The following CDH13 variants were observed in gnomAD, a reference collection of about 807,000 sequenced individuals.
The protein encoded by CDH13 is cadherin 13.
In CDH13, 24 loss-of-function variants were observed where a neutral mutation model predicts 63.8. The ratio of observed to expected loss-of-function variants is 0.38; its 90% CI spans 0.27 to 0.53. The LOEUF (loss-of-function observed/expected upper bound fraction) is 0.53. CDH13 is among the 20% of genes least tolerant of loss of function. CDH13 has a pLI of 0.85. For missense variants in CDH13, 1,049 were observed against 903.1 expected (o/e 1.16, Z -2.07); for synonymous variants, 503 against 355.3 (o/e 1.42, Z -4.67).
chr16:83,064,923 C>T (rs1260359124), intron 3 of CDH13, among the ~76,000 whole-genome samples: 3 of 152,072 alleles, frequency 2.0e-5, no homozygotes, highest in Non-Finnish European at 4.4e-5. Flanking sequence ...TGACTGTAGT[C>T]ATCATGCTGT....
At chr16:82,762,796 T>C (rs561888177) in intron 1 of CDH13, among the ~76,000 whole-genome samples, 1 of 152,248 alleles carries the variant, frequency 6.6e-6, no homozygotes, top group Non-Finnish European at 1.5e-5. Context: ...TGCATGTGTT[T>C]GGAAATGTCT....
At chr16:83,040,663 A>G (rs1454272113) in intron 3 of CDH13, among the ~76,000 whole-genome samples, 3 of 152,148 alleles carry the variant, frequency 2.0e-5, no homozygotes, top group Non-Finnish European at 2.9e-5. Context: ...CTCCCAGTCT[A>G]CTGACTCACA....
intron 3 of CDH13, among the ~76,000 whole-genome samples, chr16:83,061,095 A>G (rs2031508709): frequency 6.6e-6 from 1 of 152,242 alleles, no homozygotes; most frequent in Non-Finnish European, 1.5e-5. Flanking sequence ...TTTACAAAGG[A>G]GAAATCTAGC....
chr16:82,904,955 C>G (rs1361642476), intron 2 of CDH13, among the ~76,000 whole-genome samples: 1 of 152,174 alleles, frequency 6.6e-6, no homozygotes, highest in Non-Finnish European at 1.5e-5. Flanking sequence ...ACCCAGGTTT[C>G]TCCCATGGAG....
intron 2 of CDH13, among the ~76,000 whole-genome samples, chr16:83,009,553 G>A (rs989182935): frequency 6.6e-6 from 1 of 152,088 alleles, no homozygotes; most frequent in African/African-American, 2.4e-5. Flanking sequence ...ACCCTGCAAA[G>A]TCTCATATGG....
chr16:83,740,969 AAGTC>A (rs1257847169), intron 10 of CDH13, among the ~76,000 whole-genome samples: 1 of 152,194 alleles, frequency 6.6e-6, no homozygotes, highest in Non-Finnish European at 1.5e-5. Flanking sequence ...TGCAGGTAGA[AAGTC>A]AGGCAGGTCC....
intron 2 of CDH13, among the ~76,000 whole-genome samples, chr16:82,949,823 C>T (rs1790192783): frequency 1.3e-5 from 2 of 152,166 alleles, no homozygotes; most frequent in South Asian, 2.1e-4. Flanking sequence ...CTTTGCTTTA[C>T]AGACTCAAAA....
At chr16:83,301,897 C>G (rs1244506483) in intron 5 of CDH13, among the ~76,000 whole-genome samples, 1 of 150,812 alleles carries the variant, frequency 6.6e-6, no homozygotes, top group African/African-American at 2.4e-5. Context: ...TTCTTGTTTT[C>G]TGGCAGATAC....
At chr16:83,443,705 GAAAAAAAAAAA>G (rs1167862979) in intron 6 of CDH13, among the ~76,000 whole-genome samples, 2 of 107,114 alleles carry the variant, frequency 1.9e-5, no homozygotes, top group African/African-American at 8.5e-5. Context: ...AAGTCCCTAC[GAAAAAAAAAAA>G]AAAAAAAAAA....
At chr16:83,268,075 T>C (rs976464419) in intron 5 of CDH13, among the ~76,000 whole-genome samples, 5 of 152,174 alleles carry the variant, frequency 3.3e-5, no homozygotes, top group Admixed American at 3.3e-4. Context: ...CAGGTGTATA[T>C]AGATACACCT....
At chr16:83,254,145 A>G (rs1905926320) in intron 5 of CDH13, among the ~76,000 whole-genome samples, 1 of 152,212 alleles carries the variant, frequency 6.6e-6, no homozygotes. Context: ...CCCTGGAGTT[A>G]GGGGCTTAAA....
chr16:82,869,772 T>A (rs2040280727), intron 2 of CDH13, among the ~76,000 whole-genome samples: 1 of 152,066 alleles, frequency 6.6e-6, no homozygotes, highest in Non-Finnish European at 1.5e-5. Context: ...AAACTGGATA[T>A]CCATATGCAG....
chr16:83,786,508 CAT>C (rs1358697427), intron 13 of CDH13, among the ~76,000 whole-genome samples: 2 of 151,998 alleles, frequency 1.3e-5, no homozygotes, highest in Non-Finnish European at 2.9e-5. Flanking sequence ...TGAAAGGAAA[CAT>C]ATTTCTCCCT....
chr16:82,838,563 G>A (rs556814836), intron 1 of CDH13, among the ~76,000 whole-genome samples: 1 of 152,180 alleles, frequency 6.6e-6, no homozygotes, highest in Admixed American at 6.5e-5. Flanking sequence ...TCATGAAGAT[G>A]CTCATTGCTT....
intron 1 of CDH13, among the ~76,000 whole-genome samples, chr16:82,679,332 T>A (rs1914285930): frequency 6.6e-6 from 1 of 152,212 alleles, no homozygotes; most frequent in Non-Finnish European, 1.5e-5. Context: ...CCTGGGAACC[T>A]GGTTGTTATA....
At chr16:83,123,136 G>T (rs952588070) in intron 3 of CDH13, among the ~76,000 whole-genome samples, 2 of 151,814 alleles carry the variant, frequency 1.3e-5, no homozygotes, top group African/African-American at 2.4e-5. Flanking sequence ...GTATTTTATG[G>T]CATGTGCGTG....
intron 7 of CDH13, among the ~76,000 whole-genome samples, chr16:83,496,146 T>C (rs1188706175): frequency 1.3e-5 from 2 of 152,056 alleles, no homozygotes; most frequent in East Asian, 1.9e-4. Flanking sequence ...CTTCACAGAA[T>C]TGGAAAAAAC....
intron 2 of CDH13, among the ~76,000 whole-genome samples, chr16:82,927,246 G>A (rs2042333372): frequency 6.6e-6 from 1 of 152,142 alleles, no homozygotes; most frequent in South Asian, 2.1e-4. Context: ...TTTTATAGCA[G>A]TTGGGGCAGT....
chr16:83,121,569 G>T (rs2035577953), intron 3 of CDH13, among the ~76,000 whole-genome samples: 1 of 152,198 alleles, frequency 6.6e-6, no homozygotes. Context: ...TCGGAACATG[G>T]TCTTCACAGT....
Sources: gnomAD v4.1 joint callset for allele counts (sites outside exome capture counted in the v4.1 genomes callset) on GRCh38, gnomAD v4.1.1 for gene constraint, MANE v1.5 for transcripts, NCBI Gene and HGNC (gene_info 2026-07-23, HGNC 2026-07-21) for gene names.